Variants in TTC7A observed in about 807,000 individuals in gnomAD.
TTC7A encodes tetratricopeptide repeat domain 7A.
A neutral mutation model predicts 103.7 loss-of-function variants in TTC7A; 110 were observed. The observed-to-expected ratio is 1.06, with a 90% CI of 0.91 to 1.24. TTC7A has a LOEUF of 1.24. Ranked by LOEUF, TTC7A falls within the 50% of genes most tolerant of loss-of-function variation. The probability of loss-of-function intolerance (pLI) is 0.00; values close to 1 mark genes in which losing one functional copy is unlikely to be tolerated. For missense variants in TTC7A, 1,340 were observed against 1,116.3 expected (o/e 1.20, Z -2.86); for synonymous variants, 521 against 467.9 (o/e 1.11, Z -1.47).
chr2:46,973,152 G>T (rs921320992), intron 3 of TTC7A, among the ~76,000 whole-genome samples: 1 of 152,172 alleles, frequency 6.6e-6, no homozygotes, highest in Non-Finnish European at 1.5e-5. Flanking sequence ...GTCCAATCCT[G>T]TTCCCTCTTT....
intron 3 of TTC7A, among the ~76,000 whole-genome samples, chr2:46,963,854 C>T (rs993924685): frequency 1.3e-5 from 2 of 152,126 alleles, no homozygotes; most frequent in Non-Finnish European, 2.9e-5. Flanking sequence ...TTCTCATGGA[C>T]CTGGCTTGGT....
intron 3 of TTC7A, among the ~76,000 whole-genome samples, chr2:46,963,295 G>A (rs905822088): frequency 7.9e-5 from 12 of 152,202 alleles, no homozygotes; most frequent in African/African-American, 2.7e-4. Flanking sequence ...TTTCTTATTC[G>A]GAGAGGCTGC....
At chr2:46,950,330 G>T (rs779221655) in intron 1 of TTC7A, 33 bp from the exon 2 acceptor site, 2 of 1,612,110 alleles carry the variant, frequency 1.2e-6, no homozygotes. Flanking sequence ...CTTGTTCGGG[G>T]TTTGCTGCTC....
At chr2:46,955,222 C>G (rs898734501) in intron 2 of TTC7A, among the ~76,000 whole-genome samples, 2 of 151,350 alleles carry the variant, frequency 1.3e-5, no homozygotes, top group Admixed American at 6.6e-5. Context: ...AGACGCAGCC[C>G]GAGCAGGGAG....
chr2:47,061,078 G>A (rs1204156340), intron 19 of TTC7A, 107 bp downstream of exon 19: 3 of 1,200,556 alleles, frequency 2.5e-6, no homozygotes. Flanking sequence ...CCTGTGCCTT[G>A]CTACTGCTGT....
At chr2:47,062,762 C>T (rs1020470416) in intron 19 of TTC7A, among the ~76,000 whole-genome samples, 3 of 152,226 alleles carry the variant, frequency 2.0e-5, no homozygotes, top group Non-Finnish European at 2.9e-5. Flanking sequence ...GAAATTGAAG[C>T]AGTTTCCAAG....
At chr2:46,943,010 A>G (rs181634522) in intron 1 of TTC7A, among the ~76,000 whole-genome samples, 107 of 152,206 alleles carry the variant, frequency 7.0e-4, no homozygotes, top group African/African-American at 2.4e-3. Context: ...GGCTCAAGCG[A>G]TCATTCCACC....
chr2:47,013,184 AG>A (rs967096547), intron 11 of TTC7A, among the ~76,000 whole-genome samples: 1 of 152,160 alleles, frequency 6.6e-6, no homozygotes, highest in Non-Finnish European at 1.5e-5. Context: ...CTGAACTGAG[AG>A]GGCAAGGGAG....
chr2:46,958,697 C>A, intron 3 of TTC7A: 1 of 471,320 alleles, frequency 2.1e-6, no homozygotes, highest in Non-Finnish European at 3.6e-6. Flanking sequence ...ACCACGCCTG[C>A]TGCCCGGCAT....
chr2:47,069,791 C>T (rs1351847194), intron 19 of TTC7A, among the ~76,000 whole-genome samples: 1 of 152,162 alleles, frequency 6.6e-6, no homozygotes, highest in Non-Finnish European at 1.5e-5. Flanking sequence ...TCCAGGGTGG[C>T]GTTAGGGAGG....
intron 18 of TTC7A, among the ~76,000 whole-genome samples, chr2:47,056,845 G>C (rs899737041): frequency 2.6e-5 from 4 of 152,194 alleles, no homozygotes; most frequent in African/African-American, 9.7e-5. Flanking sequence ...CAGCATGAAG[G>C]AATGGAGGGG....
At chr2:46,978,718 C>A in intron 4 of TTC7A, 74 bp from the exon 5 acceptor site, 1 of 1,191,106 alleles carries the variant, frequency 8.4e-7, no homozygotes, top group South Asian at 1.3e-5. Flanking sequence ...GGTGATGAGG[C>A]CACCTCCTCT....
At chr2:47,014,993 A>T (rs1185266855) in intron 11 of TTC7A, among the ~76,000 whole-genome samples, 1 of 152,254 alleles carries the variant, frequency 6.6e-6, no homozygotes, top group African/African-American at 2.4e-5. Context: ...GTGCATGGTC[A>T]CGTGCTGGCT....
intron 15 of TTC7A, among the ~76,000 whole-genome samples, chr2:47,040,086 C>T (rs1681567789): frequency 6.6e-6 from 1 of 152,192 alleles, no homozygotes; most frequent in South Asian, 2.1e-4. Context: ...GGTGAGGGAA[C>T]ACCGAGCCTG....
intron 2 of TTC7A, among the ~76,000 whole-genome samples, chr2:46,921,917 C>A (rs1182264286): frequency 6.6e-6 from 1 of 152,216 alleles, no homozygotes. Flanking sequence ...CTCACTCGCC[C>A]ACCCAGTGCT....
chr2:47,043,324 G>T lies in TTC7A; in HGVS notation c.1803-2991G>T, dbSNP rs1681965261. ...ACATCAGGAAGGCTGTCTTAGAGGG[G>T]GTTGTGCACAGCCCCCATGGGGATA... On this transcript the variant is annotated intron_variant, in intron 15 of 19. Coordinates refer to ENST00000319190, the MANE Select transcript of TTC7A (RefSeq NM_020458.4). Among the ~76,000 whole-genome samples, 2 of 152,198 alleles carry T rather than the reference G, an allele frequency of 1.3e-5. 1 individual carries two copies. The highest frequency in any genetic ancestry group is 4.1e-4 in the South Asian group (2 of 4,832).
intron 11 of TTC7A, 89 bp downstream of exon 11, chr2:47,011,524 G>A: frequency 9.7e-7 from 1 of 1,027,716 alleles, no homozygotes; most frequent in Non-Finnish European, 1.4e-6. Flanking sequence ...GTATGTGTGG[G>A]TGCATGCCGA....
chr2:46,923,736 CTT>C (rs113000969), intron 2 of TTC7A, among the ~76,000 whole-genome samples: 2 of 145,774 alleles, frequency 1.4e-5, no homozygotes, highest in South Asian at 2.2e-4. Flanking sequence ...TATAGAAAAA[CTT>C]TTTTTTTTTT....
intron 15 of TTC7A, among the ~76,000 whole-genome samples, chr2:47,041,031 A>G (rs763871358): frequency 6.6e-6 from 1 of 152,166 alleles, no homozygotes; most frequent in Non-Finnish European, 1.5e-5. Flanking sequence ...GACTCTCCTC[A>G]GTGATACTTT....
Sources: allele counts gnomAD v4.1 joint callset (sites outside exome capture counted in the v4.1 genomes callset), GRCh38; gene constraint gnomAD v4.1.1; transcripts MANE v1.5; gene names NCBI Gene and HGNC (gene_info 2026-07-23, HGNC 2026-07-21).